ZFAND6: variants seen among roughly 807,000 people sequenced by gnomAD.
The protein encoded by ZFAND6 is AN1-type zinc finger protein 6.
A neutral mutation model predicts 24.5 loss-of-function variants in ZFAND6; 12 were observed. That is an observed-to-expected ratio of 0.49 (90% confidence interval 0.31 to 0.79). ZFAND6 has a LOEUF of 0.79. Ranked by LOEUF, ZFAND6 falls within the 30% of genes least tolerant of loss-of-function variation. The pLI is 0.04. For missense variants in ZFAND6, 207 were observed against 245.9 expected (o/e 0.84, Z 1.06); for synonymous variants, 92 against 81.5 (o/e 1.13, Z -0.69).
chr15:80,079,852 C>T (rs1050799897), intron 1 of ZFAND6, among the ~76,000 whole-genome samples: 4 of 151,304 alleles, frequency 2.6e-5, no homozygotes, highest in Non-Finnish European at 4.4e-5. Context: ...GTCGGGGTTT[C>T]ACCGTAGCCA....
At chr15:80,070,598 A>C (rs2036921550) in intron 1 of ZFAND6, among the ~76,000 whole-genome samples, 1 of 152,196 alleles carries the variant, frequency 6.6e-6, no homozygotes, top group Non-Finnish European at 1.5e-5. Flanking sequence ...AATGATCCGG[A>C]ATCACTGAGT....
At chr15:80,110,688 A>G (rs953717819) in intron 2 of ZFAND6, among the ~76,000 whole-genome samples, 3 of 152,156 alleles carry the variant, frequency 2.0e-5, no homozygotes, top group Admixed American at 2.0e-4. Context: ...GAAAAGACCC[A>G]TACATGTATG....
At chr15:80,077,131 G>T (rs1188928785) in intron 1 of ZFAND6, among the ~76,000 whole-genome samples, 4 of 152,212 alleles carry the variant, frequency 2.6e-5, no homozygotes. Flanking sequence ...AAGTGCAAAA[G>T]CACTTTAAGC....
At chr15:80,109,696 G>A (rs77332923) in intron 2 of ZFAND6, among the ~76,000 whole-genome samples, 5,174 of 152,292 alleles carry the variant, frequency 0.034, 281 homozygotes, top group East Asian at 0.22. Context: ...TGAGTAAGCA[G>A]GCAGTGTGAT....
chr15:80,131,678 T>G (rs898964959), intron 6 of ZFAND6, among the ~76,000 whole-genome samples: 1 of 152,204 alleles, frequency 6.6e-6, no homozygotes, highest in African/African-American at 2.4e-5. Flanking sequence ...GTTCAGTGAG[T>G]TAAGACATGT....
chr15:80,065,045 G>A (rs1315832174), intron 1 of ZFAND6, among the ~76,000 whole-genome samples: 12 of 145,556 alleles, frequency 8.2e-5, no homozygotes, highest in African/African-American at 2.8e-4. Flanking sequence ...AAACAGGCAA[G>A]GGTTTTTACT....
chr15:80,126,663 AC>A (rs1235262918), intron 5 of ZFAND6, among the ~76,000 whole-genome samples: 1 of 152,178 alleles, frequency 6.6e-6, no homozygotes, highest in Admixed American at 6.5e-5. Context: ...AAGACCTAAA[AC>A]GAATATAAGA....
rs1011245847 is a variant in ZFAND6 at position 80,120,216 on chromosome 15, G to C, written c.-17-112G>C. 11 of 856,636 alleles carry C rather than the reference G, an allele frequency of 1.3e-5. No individual in the cohort carries two copies. The South Asian group carries it at 1.6e-4, about 12-fold the overall frequency. The allele number at this position is 856,636 out of a possible 1,614,324, so 53.1% of individuals were successfully genotyped here. A position where few individuals can be genotyped will look rare whatever the true frequency, so the allele number is the denominator to read the frequency against. ...CCCTATGTCTTGGGACAGTTATGTAGAATAGTTTGATATATGTGGGCTTTT... is the reference window on the plus strand; with the variant it reads ...CCCTATGTCTTGGGACAGTTATGTACAATAGTTTGATATATGTGGGCTTTT... On this transcript the variant is annotated intron_variant, in intron 2 of 6. Coordinates refer to ENST00000261749, the MANE Select transcript of ZFAND6 (RefSeq NM_019006.4).
intron 2 of ZFAND6, among the ~76,000 whole-genome samples, chr15:80,103,367 G>T (rs971553017): frequency 1.3e-5 from 2 of 152,016 alleles, no homozygotes; most frequent in Admixed American, 6.6e-5. Context: ...TCCTTACCTG[G>T]TTTTTTTAAT....
intron 1 of ZFAND6, among the ~76,000 whole-genome samples, chr15:80,067,967 A>G (rs79923186): frequency 6.6e-6 from 1 of 151,530 alleles, no homozygotes; most frequent in Non-Finnish European, 1.5e-5. Flanking sequence ...AATTAAAAAA[A>G]TTTTTTTTTC....
At chr15:80,067,392 G>T (rs946337108) in intron 1 of ZFAND6, among the ~76,000 whole-genome samples, 1 of 152,086 alleles carries the variant, frequency 6.6e-6, no homozygotes, top group Non-Finnish European at 1.5e-5. Context: ...ATTTCCTTGA[G>T]GAATCCTTCC....
chr15:80,124,197 G>A (rs1481882042), intron 5 of ZFAND6, among the ~76,000 whole-genome samples: 4 of 152,216 alleles, frequency 2.6e-5, no homozygotes, highest in Non-Finnish European at 5.9e-5. Context: ...ACTTTGGGAG[G>A]CTGAAGCGGG....
intron 1 of ZFAND6, among the ~76,000 whole-genome samples, chr15:80,091,398 G>A (rs1318613547): frequency 6.6e-6 from 1 of 152,126 alleles, no homozygotes; most frequent in Non-Finnish European, 1.5e-5. Flanking sequence ...CATTTTGGTA[G>A]TTTTCTCAGA....
chr15:80,125,490 G>T (rs1019239372), intron 5 of ZFAND6, among the ~76,000 whole-genome samples: 1 of 152,196 alleles, frequency 6.6e-6, no homozygotes, highest in Admixed American at 6.5e-5. Context: ...AGGATATGCT[G>T]CCACCAGGTT....
chr15:80,106,563 AT>A (rs1470160744), intron 2 of ZFAND6, among the ~76,000 whole-genome samples: 1 of 140,026 alleles, frequency 7.1e-6, no homozygotes, highest in Non-Finnish European at 1.5e-5. Flanking sequence ...AAACCAAATA[AT>A]TTTTTCAGTA....
chr15:80,104,665 A>C (rs1461189873), intron 2 of ZFAND6, among the ~76,000 whole-genome samples: 1 of 152,116 alleles, frequency 6.6e-6, no homozygotes, highest in East Asian at 1.9e-4. Flanking sequence ...ATCTGGGGTA[A>C]TATTTCATTG....
At chr15:80,112,923 C>G in intron 2 of ZFAND6, 1 of 452,832 alleles carries the variant, frequency 2.2e-6, no homozygotes, top group Non-Finnish European at 4.4e-6. Context: ...TTGCACTCTT[C>G]TGGGATCCAT....
At chr15:80,094,418 G>A (rs932013250) in intron 1 of ZFAND6, among the ~76,000 whole-genome samples, 1 of 152,112 alleles carries the variant, frequency 6.6e-6, no homozygotes, top group Non-Finnish European at 1.5e-5. Context: ...AGAACCTAAG[G>A]CCTGATGATC....
intron 2 of ZFAND6, among the ~76,000 whole-genome samples, chr15:80,108,560 A>G (rs1296352519): frequency 6.6e-6 from 1 of 152,162 alleles, no homozygotes; most frequent in Non-Finnish European, 1.5e-5. Flanking sequence ...GGTATGTGAT[A>G]TGAAACCTAG....
Sources: gnomAD v4.1 joint callset for allele counts (sites outside exome capture counted in the v4.1 genomes callset) on GRCh38, gnomAD v4.1.1 for gene constraint, MANE v1.5 for transcripts, NCBI Gene and HGNC (gene_info 2026-07-23, HGNC 2026-07-21) for gene names.